Variants in PMM2 observed in about 807,000 individuals in gnomAD.
The protein encoded by PMM2 is phosphomannomutase 2.
A neutral mutation model predicts 33.2 loss-of-function variants in PMM2; 35 were observed. The ratio of observed to expected loss-of-function variants is 1.06; its 90% CI spans 0.81 to 1.40. The LOEUF (loss-of-function observed/expected upper bound fraction) is 1.40. Ranked by LOEUF, PMM2 falls within the 40% of genes most tolerant of loss-of-function variation. PMM2 has a pLI of 0.00. For synonymous variants in PMM2, 153 were observed against 114.7 expected (o/e 1.33, Z -2.13); for missense variants, 386 against 306.0 (o/e 1.26, Z -1.95).
rs17566708 is a variant in PMM2, at chr16:8,806,579, C to T, written c.347+172C>T. ...ATTCTGGTTCAGAAAGCCTGAGAGC[C>T]GAGCTTGGAAATCCACATTTTCTCT... On this transcript the variant is annotated intron_variant, in intron 4 of 7. Transcript: ENST00000268261. 0.053 allele frequency: 33,966 copies of T among 638,770 alleles called. 1,202 individuals carry two copies. The highest frequency in any genetic ancestry group is 0.09 in the Middle Eastern group (308 of 3,420). The allele number at this position is 638,770 out of a possible 1,614,324, so 39.6% of individuals were successfully genotyped here. A position where few individuals can be genotyped will look rare whatever the true frequency, so the allele number is the denominator to read the frequency against.
chr16:8,833,832 A>G (rs191665925), intron 7 of PMM2, among the ~76,000 whole-genome samples: 101 of 152,284 alleles, frequency 6.6e-4, no homozygotes, highest in African/African-American at 2.4e-3. Flanking sequence ...GCCTAAGGAG[A>G]TTCAGCATAG....
intron 7 of PMM2, among the ~76,000 whole-genome samples, chr16:8,815,433 A>G (rs6498107): frequency 0.89 from 135,275 of 152,128 alleles, 60,583 homozygotes; most frequent in East Asian, 0.97. Context: ...GTTTTGCCAC[A>G]TTGGCCAGGC....
At chr16:8,843,921 A>G (rs546865370) in intron 7 of PMM2, among the ~76,000 whole-genome samples, 164 of 151,976 alleles carry the variant, frequency 1.1e-3, no homozygotes, top group Non-Finnish European at 1.3e-3. Flanking sequence ...AAGACTCAGC[A>G]ACGCTTGGGG....
At chr16:8,833,546 A>G (rs1031131786) in intron 7 of PMM2, among the ~76,000 whole-genome samples, 19 of 151,726 alleles carry the variant, frequency 1.3e-4, no homozygotes, top group African/African-American at 3.1e-4. Flanking sequence ...AGGGGGTGGT[A>G]TGGAGAGAGA....
chr16:8,804,022 G>GTTT (rs770345977), intron 2 of PMM2, among the ~76,000 whole-genome samples: 1 of 25,988 alleles, frequency 3.8e-5, no homozygotes, highest in African/African-American at 1.3e-4. Flanking sequence ...TGTTTTTTGG[G>GTTT]TTTTTTTTGT....
intron 7 of PMM2, among the ~76,000 whole-genome samples, chr16:8,830,388 G>C (rs1006519295): frequency 6.6e-6 from 1 of 152,222 alleles, no homozygotes; most frequent in African/African-American, 2.4e-5. Flanking sequence ...CTGTGCAGGA[G>C]ACTGGAGTTT....
intron 7 of PMM2, among the ~76,000 whole-genome samples, chr16:8,839,068 GA>G (rs2060872299): frequency 6.6e-6 from 1 of 151,994 alleles, no homozygotes; most frequent in Admixed American, 6.5e-5. Flanking sequence ...GACAGAGGTT[GA>G]AATGCCTGCT....
rs139236770 is a variant in PMM2 at position 8,847,732 on chromosome 16, T to C, written c.648T>C (p.Asn216=). ...ACTTCGTGTCTTTCCAGGGTGGCAA[T>C]GACCATGAGATCTTCACAGACCCCA... The part of the protein sequence containing the change: ...FFGDKTMPGG[N]DHEIFTDPRT... The change falls in exon 8 of 8, where the codon AAT becomes AAC. Residue 216 remains asparagine, a synonymous_variant. Coordinates refer to ENST00000268261, the MANE Select transcript of PMM2 (RefSeq NM_000303.3). 2.5e-6 allele frequency: 4 copies of C among 1,612,594 alleles called. No individual in the cohort carries two copies. Among genetic ancestry groups the C allele is most frequent in the Non-Finnish European group, 3.4e-6 (4 of 1,178,946 alleles).
chr16:8,833,411 T>C (rs1161536025), intron 7 of PMM2, among the ~76,000 whole-genome samples: 2 of 152,218 alleles, frequency 1.3e-5, no homozygotes, highest in Admixed American at 6.5e-5. Context: ...GCCATCTGGA[T>C]GTATACGTGC....
At chr16:8,837,812 GTAAA>G (rs893694037) in intron 7 of PMM2, among the ~76,000 whole-genome samples, 4 of 152,162 alleles carry the variant, frequency 2.6e-5, no homozygotes, top group Non-Finnish European at 4.4e-5. Flanking sequence ...TGAAACGTGG[GTAAA>G]TAATCAGGCG....
intron 7 of PMM2, among the ~76,000 whole-genome samples, chr16:8,845,223 C>G (rs1010525414): frequency 6.6e-6 from 1 of 152,092 alleles, no homozygotes; most frequent in African/African-American, 2.4e-5. Flanking sequence ...GTGGATCTCA[C>G]AAAGTACATC....
intron 1 of PMM2, among the ~76,000 whole-genome samples, chr16:8,800,240 A>T (rs1047943825): frequency 1.3e-5 from 2 of 152,000 alleles, no homozygotes; most frequent in African/African-American, 4.8e-5. Flanking sequence ...GGGCGCCTGT[A>T]ATCCTGGCTA....
At chr16:8,840,958 G>A (rs1281749731) in intron 7 of PMM2, among the ~76,000 whole-genome samples, 1 of 152,042 alleles carries the variant, frequency 6.6e-6, no homozygotes, top group African/African-American at 2.4e-5. Context: ...TAGAGGGCTG[G>A]TGTCTGGGAT....
At chr16:8,827,944 A>AAT (rs71153001) in intron 7 of PMM2, among the ~76,000 whole-genome samples, 91,519 of 113,554 alleles carry the variant, frequency 0.81, 37,468 homozygotes, top group East Asian at 0.97. Context: ...TATATTTATA[A>AAT]ATATATATAT....
Position 8,804,031 on chromosome 16 carries a change from GTT to G in PMM2, c.179-717_179-716del, listed in dbSNP as rs752484926. On this transcript the variant is annotated intron_variant, in intron 2 of 7. Coordinates refer to ENST00000268261, the MANE Select transcript of PMM2 (RefSeq NM_000303.3). ...GTTTTTTGTTTTTTGGGTTTTTTTTGTTTTTTTTTTTTTTTTTTTTGACGTTA... is the reference window on the plus strand; with the variant it reads ...GTTTTTTGTTTTTTGGGTTTTTTTTGTTTTTTTTTTTTTTTTTTGACGTTA... Among the ~76,000 whole-genome samples the G allele has an allele frequency of 6.8e-3, 593 of 87,492 alleles. 5 individuals carry two copies. Among genetic ancestry groups the G allele is most frequent in the African/African-American group, 0.026 (570 of 21,954 alleles). 57.4% of individuals were successfully genotyped at this position (87,492 alleles called of 152,430 possible).
At chr16:8,827,379 T>A (rs1299806254) in intron 7 of PMM2, among the ~76,000 whole-genome samples, 10 of 151,496 alleles carry the variant, frequency 6.6e-5, no homozygotes, top group Admixed American at 2.0e-4. Context: ...GCCTTTTTTT[T>A]ATTTTTTTAT....
intron 2 of PMM2, 96 bp downstream of exon 2, chr16:8,802,006 C>T (rs1385274749): frequency 2.3e-6 from 2 of 856,120 alleles, no homozygotes; most frequent in African/African-American, 3.4e-5. Flanking sequence ...ACCTTGTCCC[C>T]ATATGGCGGG....
chr16:8,827,770 T>TTA lies in PMM2; in HGVS notation c.639+14676_639+14677dup, dbSNP rs59491446. 6.0e-4 allele frequency among the ~76,000 whole-genome samples: 46 copies of TTA among 77,202 alleles called. No individual in the cohort carries two copies. The South Asian group carries it at 0.014, about 23-fold the overall frequency. The allele number at this position is 77,202 out of a possible 152,430, so 50.6% of individuals were successfully genotyped here. ...TATATATATATATATATGCACACAT[T>TTA]TATATATATATATTTATATATATTT... is the stretch of plus-strand genomic sequence containing the variant. On this transcript the variant is annotated intron_variant, in intron 7 of 7. Coordinates refer to ENST00000268261, the MANE Select transcript of PMM2 (RefSeq NM_000303.3).
intron 7 of PMM2, among the ~76,000 whole-genome samples, chr16:8,823,665 G>T (rs987997763): frequency 4.3e-5 from 6 of 140,724 alleles, no homozygotes; most frequent in Non-Finnish European, 6.6e-5. Context: ...TTAAAGCCTC[G>T]AGCCCAGCCA....
Sources: allele counts gnomAD v4.1 joint callset (sites outside exome capture counted in the v4.1 genomes callset), GRCh38; gene constraint gnomAD v4.1.1; transcripts MANE v1.5; gene names NCBI Gene and HGNC (gene_info 2026-07-23, HGNC 2026-07-21).